The following ANK3 variants were observed in gnomAD, a reference collection of about 807,000 sequenced individuals.
ANK3 encodes ankyrin-3.
A neutral mutation model predicts 370.9 loss-of-function variants in ANK3; 57 were observed. The ratio of observed to expected loss-of-function variants is 0.15; its 90% CI spans 0.12 to 0.19. The LOEUF (loss-of-function observed/expected upper bound fraction) is 0.19, where lower values mean the gene tolerates loss of function less well. ANK3 is among the 10% of genes least tolerant of loss of function. The pLI, the probability that ANK3 is intolerant of heterozygous loss-of-function variation, is 1.00. For synonymous variants in ANK3, 1,929 were observed against 1,946.3 expected (o/e 0.99, Z 0.23); for missense variants, 4,439 against 5,302.1 (o/e 0.84, Z 5.06).
intron 2 of ANK3, among the ~76,000 whole-genome samples, chr10:60,485,666 C>A (rs188122658): frequency 7.2e-5 from 11 of 152,296 alleles, no homozygotes; most frequent in Non-Finnish European, 1.3e-4. Context: ...ATCTGCCATA[C>A]TGATTTAAAA....
In ANK3 at chr10:60,186,906, A is replaced by G; in HGVS notation, c.1894T>C (p.Tyr632His). 4 of 1,614,064 alleles carry G rather than the reference A, an allele frequency of 2.5e-6. No homozygotes were observed. The highest frequency in any genetic ancestry group is 3.4e-6 in the Non-Finnish European group (4 of 1,179,980). The change falls in exon 17 of 44, where the codon TAT (tyrosine) becomes CAT (histidine). Residue 632 changes from tyrosine (Y) to histidine (H), a missense_variant. Tyr to His is a moderately conservative substitution (Grantham distance 83). Coordinates refer to ENST00000280772, the MANE Select transcript of ANK3 (RefSeq NM_020987.5). Reference sequence around the variant, plus strand: ...TTGGCAGCGATGTGCAGTGGCGTATAACCATTCTGTCAACACAAATCACTT... The same window carrying G: ...TTGGCAGCGATGTGCAGTGGCGTATGACCATTCTGTCAACACAAATCACTT... Reference protein sequence around the residue: ...ASPHAAAKNGYTPLHIAAKKN... With the variant: ...ASPHAAAKNGHTPLHIAAKKN...
At chr10:60,426,867 G>A (rs2063899613) in intron 2 of ANK3, among the ~76,000 whole-genome samples, 1 of 152,052 alleles carries the variant, frequency 6.6e-6, no homozygotes, top group Non-Finnish European at 1.5e-5. Context: ...AAAACTGTAG[G>A]CATTGTATAG....
chr10:60,256,472 A>G (rs2097737272), intron 7 of ANK3, among the ~76,000 whole-genome samples: 2 of 152,260 alleles, frequency 1.3e-5, no homozygotes, highest in South Asian at 2.1e-4. Flanking sequence ...TGGACAGAAC[A>G]TAATTCTTTT....
chr10:60,069,300 G>A lies in ANK3; in HGVS notation c.11581C>T (p.Gln3861Ter). 6.2e-7 allele frequency: 1 copy of A among 1,614,048 alleles called. No homozygotes were observed. The highest frequency in any genetic ancestry group is 8.5e-7 in the Non-Finnish European group (1 of 1,179,992). The stretch of plus-strand genomic sequence containing the variant: ...GCCTTTATGGGAAGTTTGGATTTTT[G>A]CCTAATCCCTATCAATTCCTTTGTT... Reference protein sequence around the residue: ...QKTKELIGIRQKSKLPIKATS... With the variant: ...QKTKELIGIR The change falls in exon 37 of 44, where the codon CAA (glutamine) becomes TAA (stop). Residue 3861 changes from glutamine to a stop codon, truncating the protein, a stop_gained. Coordinates refer to ENST00000280772, the MANE Select transcript of ANK3 (RefSeq NM_020987.5). LOFTEE classifies it high-confidence loss of function.
At chr10:60,427,349 T>G (rs2063910966) in intron 2 of ANK3, among the ~76,000 whole-genome samples, 1 of 152,050 alleles carries the variant, frequency 6.6e-6, no homozygotes, top group Admixed American at 6.6e-5. Flanking sequence ...TGTATATGTG[T>G]GGGCATCTGA....
chr10:60,360,465 T>G (rs1406888318), intron 1 of ANK3, among the ~76,000 whole-genome samples: 1 of 152,148 alleles, frequency 6.6e-6, no homozygotes, highest in Non-Finnish European at 1.5e-5. Context: ...TCCCAGCACT[T>G]TGAGAGGCTG....
chr10:60,599,349 C>T (rs1445160654), intron 2 of ANK3, among the ~76,000 whole-genome samples: 9 of 152,144 alleles, frequency 5.9e-5, no homozygotes, highest in Admixed American at 4.6e-4. Flanking sequence ...GGACACGACT[C>T]CCTAACTTAT....
intron 1 of ANK3, among the ~76,000 whole-genome samples, chr10:60,616,592 A>G (rs982489787): frequency 6.6e-6 from 1 of 152,144 alleles, no homozygotes; most frequent in African/African-American, 2.4e-5. Context: ...TTTTTCAAAT[A>G]CTTCCTAGTA....
chr10:60,249,810 A>T (rs982164952), intron 7 of ANK3, among the ~76,000 whole-genome samples: 9 of 152,108 alleles, frequency 5.9e-5, no homozygotes, highest in African/African-American at 9.7e-5. Context: ...GAGGCTGCCC[A>T]CTGAGCACCG....
At chr10:60,690,649 G>T (rs1269452915) in intron 1 of ANK3, among the ~76,000 whole-genome samples, 1 of 151,992 alleles carries the variant, frequency 6.6e-6, no homozygotes, top group East Asian at 1.9e-4. Context: ...TATGCCTACT[G>T]GACAAATCTA....
Position 60,610,660 on chromosome 10 carries a change from G to A in ANK3, c.96+4526C>T, listed in dbSNP as rs1170473862. 6.5e-5 allele frequency among the ~76,000 whole-genome samples: 5 copies of A among 76,874 alleles called. No homozygotes were observed. The South Asian group carries it at 4.8e-3, about 73-fold the overall frequency. 50.4% of individuals were successfully genotyped at this position (76,874 alleles called of 152,430 possible). A position where few individuals can be genotyped will look rare whatever the true frequency, so the allele number is the denominator to read the frequency against. On this transcript the variant is annotated intron_variant, in intron 2 of 43. Transcript: ENST00000373827. ...TCATATTTTTAAGTCATTTTCCAGG[G>A]CAAATAATATCCTCACCACAGACTT...
chr10:60,601,791 G>C (rs1389784613), intron 2 of ANK3, among the ~76,000 whole-genome samples: 1 of 152,114 alleles, frequency 6.6e-6, no homozygotes, highest in East Asian at 1.9e-4. Context: ...GTTTACAATA[G>C]GGGAAACTGG....
At chr10:60,395,996 C>T (rs577032522) in intron 2 of ANK3, among the ~76,000 whole-genome samples, 1 of 152,282 alleles carries the variant, frequency 6.6e-6, no homozygotes, top group South Asian at 2.1e-4. Flanking sequence ...CCTTGATATT[C>T]TAGTCAACAT....
chr10:60,030,289 C>T (rs1588973685), intron 43 of ANK3, among the ~76,000 whole-genome samples: 1 of 152,102 alleles, frequency 6.6e-6, no homozygotes, highest in East Asian at 1.9e-4. Context: ...ACTACAGGTG[C>T]CCACCACCAC....
intron 2 of ANK3, among the ~76,000 whole-genome samples, chr10:60,482,979 A>G (rs1336949659): frequency 6.6e-6 from 1 of 152,246 alleles, no homozygotes; most frequent in Non-Finnish European, 1.5e-5. Context: ...GTTGAGCATC[A>G]AGGAAGAACA....
chr10:60,568,709 C>CA (rs2077519905), intron 2 of ANK3, among the ~76,000 whole-genome samples: 1 of 152,112 alleles, frequency 6.6e-6, no homozygotes, highest in Non-Finnish European at 1.5e-5. Flanking sequence ...TTGGATGCTG[C>CA]TATGGACAAA....
At chr10:60,201,452 T>C (rs1389580215) in intron 12 of ANK3, among the ~76,000 whole-genome samples, 1 of 152,202 alleles carries the variant, frequency 6.6e-6, no homozygotes, top group Non-Finnish European at 1.5e-5. Flanking sequence ...ATTATGTCTA[T>C]GGTCTGTTGT....
intron 1 of ANK3, among the ~76,000 whole-genome samples, chr10:60,697,341 C>T (rs2079474663): frequency 6.6e-6 from 1 of 151,918 alleles, no homozygotes; most frequent in African/African-American, 2.4e-5. Flanking sequence ...AGGTAATTTA[C>T]AAATTCAATG....
chr10:60,712,972 GAAC>G (rs1401876768), intron 1 of ANK3, among the ~76,000 whole-genome samples: 2 of 152,024 alleles, frequency 1.3e-5, no homozygotes, highest in East Asian at 1.9e-4. Context: ...AAAACTAAAA[GAAC>G]AACAAGGAGA....
Sources: allele counts gnomAD v4.1 joint callset (sites outside exome capture counted in the v4.1 genomes callset), GRCh38; gene constraint gnomAD v4.1.1; transcripts MANE v1.5; gene names NCBI Gene and HGNC (gene_info 2026-07-23, HGNC 2026-07-21).